Variants in UNC13B observed in about 807,000 individuals in gnomAD.
The protein encoded by UNC13B is protein unc-13 homolog B.
A neutral mutation model predicts 211.0 loss-of-function variants in UNC13B; 144 were observed. The observed-to-expected ratio is 0.68, with a 90% confidence interval of 0.60 to 0.78. The LOEUF (loss-of-function observed/expected upper bound fraction) is 0.78. UNC13B is among the 30% of genes least tolerant of loss of function. The probability of loss-of-function intolerance (pLI) is 0.00; values close to 1 mark genes in which losing one functional copy is unlikely to be tolerated. For synonymous variants in UNC13B, 709 were observed against 725.8 expected (o/e 0.98, Z 0.37); for missense variants, 1,777 against 2,002.0 (o/e 0.89, Z 2.14).
intron 11 of UNC13B, chr9:35,351,516 T>C (rs535501209): frequency 4.7e-5 from 58 of 1,232,154 alleles, no homozygotes; most frequent in Non-Finnish European, 5.7e-5. Flanking sequence ...CCTCAAACCC[T>C]GAGGGAGAAA....
At chr9:35,236,690 C>T in intron 4 of UNC13B, 104 bp downstream of exon 4, 1 of 1,045,502 alleles carries the variant, frequency 9.6e-7, no homozygotes, top group Non-Finnish European at 1.4e-6. Context: ...TTGGATTATT[C>T]TTCCCCCTTT....
At chr9:35,352,292 T>C in intron 11 of UNC13B, 2 of 1,232,078 alleles carry the variant, frequency 1.6e-6, no homozygotes, top group African/African-American at 1.6e-5. Flanking sequence ...GTGCAACAGG[T>C]ACATTAAAAA....
At chr9:35,338,380 A>G (rs1831787871) in intron 11 of UNC13B, among the ~76,000 whole-genome samples, 1 of 152,066 alleles carries the variant, frequency 6.6e-6, no homozygotes, top group African/African-American at 2.4e-5. Context: ...TGTTTAGGTA[A>G]CAAAGCAGCT....
chr9:35,378,245 G>A lies in UNC13B; in HGVS notation c.10064-50G>A, dbSNP rs754188835. On this transcript the variant is annotated intron_variant, in intron 16 of 39. Coordinates refer to ENST00000635942, the MANE Select transcript of UNC13B (RefSeq NM_001371189.2). ...ATGGAAAGCATATGAGTAGTGTTGT[G>A]GGGGGCTTCTGAACGACTCTGAAGC... The A allele has an allele frequency of 3.1e-6, 5 of 1,610,622 alleles. No homozygotes were observed. In the African/African-American group the frequency reaches 5.3e-5, roughly 17 times the overall value.
chr9:35,380,884 T>TC (rs980417701), intron 18 of UNC13B, among the ~76,000 whole-genome samples: 2 of 152,076 alleles, frequency 1.3e-5, no homozygotes, highest in Non-Finnish European at 2.9e-5. Flanking sequence ...AGTGCTTTTG[T>TC]CCCCCCTCCA....
intron 7 of UNC13B, among the ~76,000 whole-genome samples, chr9:35,276,881 C>A (rs1417223448): frequency 6.6e-6 from 1 of 152,038 alleles, no homozygotes. Flanking sequence ...GTCTGAATTA[C>A]AAAAGAATAA....
chr9:35,216,582 G>A (rs1824257362), intron 1 of UNC13B, among the ~76,000 whole-genome samples: 1 of 152,042 alleles, frequency 6.6e-6, no homozygotes, highest in Non-Finnish European at 1.5e-5. Flanking sequence ...GAAACTTTTG[G>A]ACAATAACCA....
chr9:35,163,172 G>T (rs1160682434), intron 1 of UNC13B, among the ~76,000 whole-genome samples: 1 of 152,214 alleles, frequency 6.6e-6, no homozygotes, highest in African/African-American at 2.4e-5. Flanking sequence ...ATTAGCCATT[G>T]AATTTGATCT....
At chr9:35,203,279 T>C (rs1823430155) in intron 1 of UNC13B, among the ~76,000 whole-genome samples, 1 of 152,234 alleles carries the variant, frequency 6.6e-6, no homozygotes, top group African/African-American at 2.4e-5. Context: ...TGGCATGTTT[T>C]TGCAGTGGCT....
chr9:35,299,529 A>AT (rs984415564), intron 8 of UNC13B, among the ~76,000 whole-genome samples: 2 of 152,080 alleles, frequency 1.3e-5, no homozygotes, highest in African/African-American at 4.8e-5. Context: ...AACATGTTTC[A>AT]TTTTTTTCAT....
At chr9:35,246,398 T>C (rs1826105061) in intron 6 of UNC13B, among the ~76,000 whole-genome samples, 2 of 152,236 alleles carry the variant, frequency 1.3e-5, no homozygotes, top group Middle Eastern at 3.2e-3. Flanking sequence ...CTATTGCTTT[T>C]GGTGTTTTAG....
Position 35,385,869 on chromosome 9 carries a change from C to T in UNC13B, c.10965+56C>T, listed in dbSNP as rs888982164. 6.2e-5 allele frequency: 97 copies of T among 1,567,034 alleles called. No homozygotes were observed. The South Asian group carries it at 6.5e-4, about 11-fold the overall frequency. Reference sequence around the variant, plus strand: ...TGGGCTGGAGACCTGGCTACAGGAACGTGAAGAATGAGAATCATTGGGCAG... The same window carrying T: ...TGGGCTGGAGACCTGGCTACAGGAATGTGAAGAATGAGAATCATTGGGCAG... On this transcript the variant is annotated intron_variant, in intron 23 of 39. Coordinates refer to ENST00000635942, the MANE Select transcript of UNC13B (RefSeq NM_001371189.2).
At chr9:35,166,453 GA>G (rs1821042790) in intron 1 of UNC13B, among the ~76,000 whole-genome samples, 1 of 151,654 alleles carries the variant, frequency 6.6e-6, no homozygotes, top group African/African-American at 2.4e-5. Context: ...TACAAAAAAA[GA>G]AAAAAATTTC....
At chr9:35,231,701 G>T (rs1240425584) in intron 3 of UNC13B, among the ~76,000 whole-genome samples, 1 of 151,954 alleles carries the variant, frequency 6.6e-6, no homozygotes, top group Admixed American at 6.6e-5. Context: ...TAATCCTTTT[G>T]CTTTATGGAG....
intron 1 of UNC13B, among the ~76,000 whole-genome samples, chr9:35,205,170 C>T (rs765532078): frequency 7.6e-4 from 115 of 152,098 alleles, no homozygotes; most frequent in Non-Finnish European, 6.8e-4. Context: ...CTCCCTTCAC[C>T]TTATACCTTG....
At chr9:35,183,653 GAT>G (rs1822130079) in intron 1 of UNC13B, among the ~76,000 whole-genome samples, 5 of 139,760 alleles carry the variant, frequency 3.6e-5, no homozygotes, top group East Asian at 2.3e-4. Context: ...CATCCCAGAC[GAT>G]GGGCGGCCGG....
At chr9:35,190,165 G>A (rs1290994742) in intron 1 of UNC13B, among the ~76,000 whole-genome samples, 1 of 152,190 alleles carries the variant, frequency 6.6e-6, no homozygotes, top group Non-Finnish European at 1.5e-5. Flanking sequence ...AGAGAGTGCA[G>A]TGCTTCTACT....
intron 5 of UNC13B, among the ~76,000 whole-genome samples, chr9:35,240,913 G>C (rs1003663235): frequency 6.6e-6 from 1 of 151,856 alleles, no homozygotes; most frequent in Non-Finnish European, 1.5e-5. Flanking sequence ...AAATTAGCTG[G>C]GCAAGGTGTC....
intron 11 of UNC13B, among the ~76,000 whole-genome samples, chr9:35,336,399 T>A (rs1831660930): frequency 6.6e-6 from 1 of 152,192 alleles, no homozygotes; most frequent in Non-Finnish European, 1.5e-5. Context: ...TTTCCCCCGT[T>A]AGGTTATGAA....
Sources: gnomAD v4.1 joint callset for allele counts (sites outside exome capture counted in the v4.1 genomes callset) on GRCh38, gnomAD v4.1.1 for gene constraint, MANE v1.5 for transcripts, NCBI Gene and HGNC (gene_info 2026-07-23, HGNC 2026-07-21) for gene names.